Variants in CATSPER3 observed in about 807,000 individuals in gnomAD.
CATSPER3 encodes the protein cation channel sperm-associated protein 3.
Under a neutral mutation model 36.6 loss-of-function variants are expected in CATSPER3, and 23 were observed. The observed-to-expected ratio is 0.63, with a 90% CI of 0.45 to 0.89. The LOEUF (loss-of-function observed/expected upper bound fraction) is 0.89. CATSPER3 is among the 40% of genes least tolerant of loss of function. The probability of loss-of-function intolerance (pLI) is 0.00; values close to 1 mark genes in which losing one functional copy is unlikely to be tolerated. For missense variants in CATSPER3, 474 were observed against 503.9 expected, an observed-to-expected ratio of 0.94 and a Z score of 0.57; for synonymous variants, 172 against 184.1, an observed-to-expected ratio of 0.93 and a Z score of 0.53.
Position 134,969,716 on chromosome 5 carries a change from A to C in CATSPER3, c.99-223A>C, listed in dbSNP as rs1336537991. 7 of 559,676 alleles carry C rather than the reference A, an allele frequency of 1.3e-5. No individual in the cohort carries two copies. The East Asian group carries it at 2.2e-4, about 18-fold the overall frequency. 34.7% of individuals were successfully genotyped at this position (559,676 alleles called of 1,614,324 possible). On this transcript the variant is annotated intron_variant, in intron 1 of 7. Transcript: ENST00000282611. ...GGTGACCATTCTTTTTCAGAGGTCC[A>C]GGGAGAGGGAGCTAAGTAACTGAGT...
At chr5:134,984,819 AT>A (rs34859369) in intron 2 of CATSPER3, among the ~76,000 whole-genome samples, 3,921 of 144,824 alleles carry the variant, frequency 0.027, 70 homozygotes, top group Middle Eastern at 0.036. Context: ...ACCTGCATGC[AT>A]TTTTTTTTTT....
chr5:134,984,462 A>G (rs1027972443), intron 2 of CATSPER3, among the ~76,000 whole-genome samples: 2 of 152,202 alleles, frequency 1.3e-5, no homozygotes, highest in African/African-American at 4.8e-5. Flanking sequence ...CAAAGGCTAT[A>G]AATAGACTTT....
rs1293138707 is a variant in CATSPER3 at position 135,008,054 on chromosome 5, GC to G, written c.592del (p.Leu198CysfsTer46). 2.5e-6 allele frequency: 4 copies of G among 1,614,112 alleles called. No individual in the cohort carries two copies. Among genetic ancestry groups the G allele is most frequent in the Non-Finnish European group, 3.4e-6 (4 of 1,179,978 alleles). On this transcript the variant is annotated frameshift_variant, in exon 4 of 8. Coordinates refer to ENST00000282611, the MANE Select transcript of CATSPER3 (RefSeq NM_178019.3). LOFTEE classifies it high-confidence loss of function. ...TACATCTTCGCTATCTTGGGCTTCT[GC>G]CTGTTTGGATCTCCAGACAATGGTG... ...LMYIFAILGF[C>X]LFGSPDNGDH...
In CATSPER3 at chr5:135,008,076, T is replaced by C. The variant is rs3896260; in HGVS notation, c.612T>C (p.Asn204=). The change falls in exon 4 of 8, where the codon AAT becomes AAC. Residue 204 remains asparagine, a synonymous_variant. Coordinates refer to ENST00000282611, the MANE Select transcript of CATSPER3 (RefSeq NM_178019.3). ...TCTGCCTGTTTGGATCTCCAGACAATGGTGACCATGATAACTGGGGGAACC... is the reference window on the plus strand; with the variant it reads ...TCTGCCTGTTTGGATCTCCAGACAACGGTGACCATGATAACTGGGGGAACC... ...LGFCLFGSPD[N]GDHDNWGNLA... 1.9e-6 allele frequency: 3 copies of C among 1,613,968 alleles called. No individual in the cohort carries two copies.
chr5:134,995,993 A>G (rs909140370), intron 2 of CATSPER3: 5 of 510,188 alleles, frequency 9.8e-6, no homozygotes, highest in Non-Finnish European at 1.8e-5. Context: ...GAGTTGCAGT[A>G]TGCTAGAGCT....
intron 3 of CATSPER3, among the ~76,000 whole-genome samples, chr5:135,002,892 G>A (rs1752039658): frequency 6.6e-6 from 1 of 152,100 alleles, no homozygotes; most frequent in South Asian, 2.1e-4. Flanking sequence ...TTTGTGATGG[G>A]TTCGAACATC....
intron 2 of CATSPER3, among the ~76,000 whole-genome samples, chr5:134,974,588 T>G (rs1260263307): frequency 2.0e-5 from 3 of 152,222 alleles, no homozygotes; most frequent in Non-Finnish European, 4.4e-5. Flanking sequence ...TGTGGTTCTA[T>G]ATGTGTGTTT....
intron 2 of CATSPER3, among the ~76,000 whole-genome samples, chr5:134,984,800 A>G (rs914850642): frequency 3.3e-5 from 5 of 151,160 alleles, no homozygotes; most frequent in African/African-American, 4.9e-5. Flanking sequence ...AAAAATCACT[A>G]TATCAGACAC....
rs796183787 is a variant in CATSPER3 at position 134,979,923 on chromosome 5, C to G, written c.252+9831C>G. On this transcript the variant is annotated intron_variant, in intron 2 of 7. Coordinates refer to ENST00000282611, the MANE Select transcript of CATSPER3 (RefSeq NM_178019.3). ...AATCTAGGAGAACTTTTCTTCCTCC[C>G]TCCCTCCCTCCCACCCTCATTTCCC... Among the ~76,000 whole-genome samples the G allele has an allele frequency of 8.6e-5, 12 of 139,362 alleles. No homozygotes were observed. In the South Asian group the frequency reaches 1.1e-3, roughly 13 times the overall value. 91.4% of individuals were successfully genotyped at this position (139,362 alleles called of 152,430 possible).
chr5:134,997,874 A>C (rs944612310), intron 3 of CATSPER3, among the ~76,000 whole-genome samples: 1 of 150,326 alleles, frequency 6.7e-6, no homozygotes, highest in South Asian at 2.1e-4. Context: ...CCCATCCCCA[A>C]CCTCAAATCC....
chr5:134,996,625 C>A, intron 3 of CATSPER3, 113 bp downstream of exon 3: 1 of 1,025,652 alleles, frequency 9.7e-7, no homozygotes. Context: ...TTGAGTCCAA[C>A]GTGTGTGGCA....
At chr5:135,003,940 A>C (rs1486562238) in intron 3 of CATSPER3, among the ~76,000 whole-genome samples, 1 of 152,132 alleles carries the variant, frequency 6.6e-6, no homozygotes, top group Non-Finnish European at 1.5e-5. Context: ...GCTCTCACTC[A>C]GTGGGCTCCA....
chr5:135,009,494 A>G lies in CATSPER3; in HGVS notation c.936+4A>G. 7.2e-7 allele frequency: 1 copy of G among 1,386,892 alleles called. No individual in the cohort carries two copies. The highest frequency in any genetic ancestry group is 9.4e-7 in the Non-Finnish European group (1 of 1,061,108). 85.9% of individuals were successfully genotyped at this position (1,386,892 alleles called of 1,614,324 possible). A position where few individuals can be genotyped will look rare whatever the true frequency, so the allele number is the denominator to read the frequency against. ...CAGCAGGCTGATGCACATACAGGTG[A>G]GTGGCCCCTGCAGGCAGGTGGACAG... On this transcript the variant is annotated splice_donor_region_variant and intron_variant, in intron 6 of 7. Transcript: ENST00000282611.
intron 5 of CATSPER3, 120 bp downstream of exon 5, chr5:135,009,101 A>G: frequency 1.5e-6 from 2 of 1,372,804 alleles, no homozygotes; most frequent in Non-Finnish European, 2.1e-6. Context: ...AGTGGAGTAG[A>G]GGTGGCCAGA....
chr5:134,968,130 T>C (rs1483234178), intron 1 of CATSPER3, 41 bp downstream of exon 1: 2 of 1,397,682 alleles, frequency 1.4e-6, no homozygotes, highest in African/African-American at 1.4e-5. Flanking sequence ...AGAAATGTGC[T>C]AGTAGAAGTG....
intron 2 of CATSPER3, chr5:134,975,260 G>C (rs1751658640): frequency 6.6e-6 from 1 of 152,098 alleles, no homozygotes; most frequent in Non-Finnish European, 1.5e-5. Context: ...AGAGAGCCCT[G>C]ATCTCTCACC....
chr5:134,975,395 C>CAAAA lies in CATSPER3; in HGVS notation c.252+5308_252+5311dup, dbSNP rs1554068007. On this transcript the variant is annotated intron_variant, in intron 2 of 7. Transcript: ENST00000282611. The stretch of plus-strand genomic sequence containing the variant: ...TTATAAAAAAAGACAAACAAACAAA[C>CAAAA]AAAAAAAACCCAGGCAACATAGTGA... The CAAAA allele has an allele frequency of 1.7e-4, 26 of 151,358 alleles. No individual in the cohort carries two copies. In the East Asian group the frequency reaches 2.1e-3, roughly 12 times the overall value. The allele number at this position is 151,358 out of a possible 1,614,324, so 9.4% of individuals were successfully genotyped here.
chr5:134,998,369 A>T (rs1751978631), intron 3 of CATSPER3, among the ~76,000 whole-genome samples: 1 of 152,196 alleles, frequency 6.6e-6, no homozygotes, highest in South Asian at 2.1e-4. Context: ...GAATAGTGCC[A>T]CAATAAACAT....
intron 3 of CATSPER3, among the ~76,000 whole-genome samples, chr5:135,001,393 G>A (rs1752018513): frequency 1.3e-5 from 2 of 152,174 alleles, no homozygotes; most frequent in Middle Eastern, 3.2e-3. Context: ...AGTGCGATGT[G>A]TTGCTGAGAA....
Sources: allele counts gnomAD v4.1 joint callset (sites outside exome capture counted in the v4.1 genomes callset), GRCh38; gene constraint gnomAD v4.1.1; transcripts MANE v1.5; gene names NCBI Gene and HGNC (gene_info 2026-07-23, HGNC 2026-07-21).